WDR70: variants seen among roughly 807,000 people sequenced by gnomAD.
The protein encoded by WDR70 is WD repeat-containing protein 70.
Under a neutral mutation model 88.6 loss-of-function variants are expected in WDR70, and 53 were observed. The ratio of observed to expected loss-of-function variants is 0.60; its 90% CI spans 0.48 to 0.75. The LOEUF (loss-of-function observed/expected upper bound fraction) is 0.75. WDR70 is among the 30% of genes least tolerant of loss of function. WDR70 has a pLI of 0.00. For missense variants in WDR70, 610 were observed against 823.2 expected, an observed-to-expected ratio of 0.74 and a Z score of 3.17; for synonymous variants, 280 against 270.0, an observed-to-expected ratio of 1.04 and a Z score of -0.36.
At chr5:37,701,654 C>T (rs764158512) in intron 12 of WDR70, among the ~76,000 whole-genome samples, 1 of 151,838 alleles carries the variant, frequency 6.6e-6, no homozygotes, top group Admixed American at 6.6e-5. Flanking sequence ...GCCGTGGTGG[C>T]GGGTGCCTGT....
chr5:37,403,498 A>G (rs986059400), intron 5 of WDR70, among the ~76,000 whole-genome samples: 3 of 152,154 alleles, frequency 2.0e-5, no homozygotes, highest in African/African-American at 7.2e-5. Context: ...ATGAGGGAAA[A>G]CACCACCACA....
At chr5:37,524,551 G>T (rs1205309437) in intron 9 of WDR70, among the ~76,000 whole-genome samples, 1 of 152,078 alleles carries the variant, frequency 6.6e-6, no homozygotes, top group Non-Finnish European at 1.5e-5. Flanking sequence ...AGACCATCGA[G>T]GCTAGGAAGA....
At chr5:37,505,144 C>T (rs1740522159) in intron 8 of WDR70, among the ~76,000 whole-genome samples, 1 of 152,148 alleles carries the variant, frequency 6.6e-6, no homozygotes, top group African/African-American at 2.4e-5. Flanking sequence ...GTTCTAGCTT[C>T]AATATATTAC....
At chr5:37,582,899 G>A (rs889451458) in intron 9 of WDR70, among the ~76,000 whole-genome samples, 1 of 152,198 alleles carries the variant, frequency 6.6e-6, no homozygotes, top group Admixed American at 6.5e-5. Context: ...TTAGGATGTC[G>A]CCACCAGTAC....
intron 8 of WDR70, among the ~76,000 whole-genome samples, chr5:37,487,627 A>ATATTTTTTTTTTTTTTTT (rs1317924512): frequency 1.4e-5 from 1 of 69,070 alleles, no homozygotes; most frequent in African/African-American, 5.0e-5. Flanking sequence ...ATATATATGT[A>ATATTTTTTTTTTTTTTTT]TTTTTTTTTT....
At chr5:37,441,572 C>T (rs1750653885) in intron 6 of WDR70, among the ~76,000 whole-genome samples, 1 of 152,146 alleles carries the variant, frequency 6.6e-6, no homozygotes, top group Non-Finnish European at 1.5e-5. Context: ...CTAATCCCAG[C>T]TTTGCGAGTC....
intron 5 of WDR70, 40 bp from the exon 6 acceptor site, chr5:37,437,882 G>C (rs767379404): frequency 1.3e-6 from 2 of 1,573,110 alleles, no homozygotes; most frequent in East Asian, 4.6e-5. Flanking sequence ...CCACAAATAT[G>C]TTATTTTACC....
At chr5:37,472,969 C>T (rs1243789807) in intron 7 of WDR70, among the ~76,000 whole-genome samples, 2 of 151,972 alleles carry the variant, frequency 1.3e-5, no homozygotes, top group African/African-American at 2.4e-5. Flanking sequence ...AACAGTTCTC[C>T]AACATATTTT....
intron 17 of WDR70, among the ~76,000 whole-genome samples, chr5:37,748,715 G>A (rs192798604): frequency 3.7e-4 from 57 of 152,126 alleles, no homozygotes; most frequent in African/African-American, 1.3e-3. Flanking sequence ...GCAATCTACC[G>A]ATCTGACAAA....
chr5:37,591,102 G>C (rs1434849963), intron 9 of WDR70, among the ~76,000 whole-genome samples: 2 of 152,164 alleles, frequency 1.3e-5, no homozygotes, highest in Non-Finnish European at 2.9e-5. Context: ...GGAGGCCGAG[G>C]TGGGTGGATC....
intron 10 of WDR70, among the ~76,000 whole-genome samples, chr5:37,608,942 C>T (rs1744110993): frequency 6.6e-6 from 1 of 152,246 alleles, no homozygotes. Flanking sequence ...TGCTGTATTC[C>T]CAGAGCAAAG....
chr5:37,450,053 C>T (rs1035354808), intron 7 of WDR70, among the ~76,000 whole-genome samples: 1 of 152,116 alleles, frequency 6.6e-6, no homozygotes, highest in Non-Finnish European at 1.5e-5. Flanking sequence ...CAGCTTCATC[C>T]ATATCCCTGC....
chr5:37,544,766 T>C (rs1741935361), intron 9 of WDR70, among the ~76,000 whole-genome samples: 1 of 152,318 alleles, frequency 6.6e-6, no homozygotes, highest in African/African-American at 2.4e-5. Flanking sequence ...CTTGGATTCA[T>C]TTGGATGTGA....
At chr5:37,538,786 T>G (rs999272285) in intron 9 of WDR70, among the ~76,000 whole-genome samples, 4 of 152,206 alleles carry the variant, frequency 2.6e-5, no homozygotes, top group African/African-American at 9.6e-5. Context: ...TTAATAGAAC[T>G]TACTACATTT....
chr5:37,715,159 CTG>C (rs972201516), intron 13 of WDR70, among the ~76,000 whole-genome samples: 1 of 152,066 alleles, frequency 6.6e-6, no homozygotes, highest in African/African-American at 2.4e-5. Context: ...ATATATGCAT[CTG>C]TATCAAATGT....
intron 9 of WDR70, among the ~76,000 whole-genome samples, chr5:37,527,448 G>C (rs924598650): frequency 6.6e-5 from 10 of 152,122 alleles, no homozygotes; most frequent in African/African-American, 2.4e-4. Flanking sequence ...AGCTGAAACT[G>C]GATCCCTTCC....
Position 37,412,834 on chromosome 5 carries a change from A to G in WDR70, c.492+16264A>G, listed in dbSNP as rs571570576. Reference sequence around the variant, plus strand: ...GAAGAATTCAAAGCGGGAGAAAACTATCTTTTAGTTCCCAGGAGTTGATGT... The same window carrying G: ...GAAGAATTCAAAGCGGGAGAAAACTGTCTTTTAGTTCCCAGGAGTTGATGT... On this transcript the variant is annotated intron_variant, in intron 5 of 17. Coordinates refer to ENST00000265107, the MANE Select transcript of WDR70 (RefSeq NM_018034.4). Among the ~76,000 whole-genome samples the G allele has an allele frequency of 5.3e-5, 8 of 152,312 alleles. No homozygotes were observed. In the East Asian group the frequency reaches 1.5e-3, roughly 29 times the overall value.
In WDR70 at chr5:37,700,936, C is replaced by T. The variant is rs534749113; in HGVS notation, c.1193-122C>T. On this transcript the variant is annotated intron_variant, in intron 11 of 17. Transcript: ENST00000265107. ...TTCCTTTCTTTCTTCTCTCTTTCTC[C>T]CCTTCCCCTTCCCTTTCTTCTTTAC... 2.2e-5 allele frequency: 13 copies of T among 594,614 alleles called. No homozygotes were observed. In the Admixed American group the frequency reaches 3.3e-4, roughly 15 times the overall value. 36.8% of individuals were successfully genotyped at this position (594,614 alleles called of 1,614,324 possible).
intron 9 of WDR70, among the ~76,000 whole-genome samples, chr5:37,527,694 C>T (rs1741332951): frequency 6.6e-6 from 1 of 152,098 alleles, no homozygotes; most frequent in African/African-American, 2.4e-5. Flanking sequence ...AGTGAACAGG[C>T]AACCTACAAA....
Sources: allele counts gnomAD v4.1 joint callset (sites outside exome capture counted in the v4.1 genomes callset), GRCh38; gene constraint gnomAD v4.1.1; transcripts MANE v1.5; gene names NCBI Gene and HGNC (gene_info 2026-07-23, HGNC 2026-07-21).